The following STPG2 variants were observed in gnomAD, a reference collection of about 807,000 sequenced individuals.
STPG2 encodes the protein sperm tail PG-rich repeat containing 2.
Under a neutral mutation model 54.2 loss-of-function variants are expected in STPG2, and 56 were observed. The observed-to-expected ratio is 1.03, with a 90% CI of 0.83 to 1.29. STPG2 has a LOEUF of 1.29. Ranked by LOEUF, STPG2 falls within the 50% of genes most tolerant of loss-of-function variation. The probability of loss-of-function intolerance (pLI) is 0.00; values close to 1 mark genes in which losing one functional copy is unlikely to be tolerated. For synonymous variants in STPG2, 200 were observed against 181.8 expected (o/e 1.10, Z -0.81); for missense variants, 596 against 544.9 (o/e 1.09, Z -0.93).
intron 6 of STPG2, among the ~76,000 whole-genome samples, chr4:97,979,749 G>A (rs1219024539): frequency 1.3e-5 from 2 of 148,670 alleles, no homozygotes; most frequent in Non-Finnish European, 3.0e-5. Flanking sequence ...TTTTTGAGAC[G>A]GAGTCTTGCT....
chr4:97,558,626 G>T (rs146685845), downstream of STPG2, among the ~76,000 whole-genome samples: 1 of 152,162 alleles, frequency 6.6e-6, no homozygotes, highest in East Asian at 1.9e-4. Context: ...CTGACAGCCC[G>T]TGTGGAGGTG....
At chr4:97,737,214 T>A (rs908346675) in intron 9 of STPG2, among the ~76,000 whole-genome samples, 3 of 152,064 alleles carry the variant, frequency 2.0e-5, no homozygotes, top group Admixed American at 6.6e-5. Context: ...CATCTGTATG[T>A]CACCATCATC....
At chr4:97,745,244 T>TAA (rs747883049) in intron 9 of STPG2, among the ~76,000 whole-genome samples, 253 of 141,662 alleles carry the variant, frequency 1.8e-3, no homozygotes, top group Admixed American at 2.7e-3. Context: ...GGCATAAAAC[T>TAA]AAAAAAAAAA....
intron 8 of STPG2, among the ~76,000 whole-genome samples, chr4:97,902,144 G>C (rs1731200949): frequency 6.6e-6 from 1 of 151,896 alleles, no homozygotes; most frequent in South Asian, 2.1e-4. Context: ...CATATAAAAA[G>C]ATCAATTCAA....
chr4:98,061,304 C>A (rs1278001252), intron 5 of STPG2, among the ~76,000 whole-genome samples: 1 of 152,122 alleles, frequency 6.6e-6, no homozygotes, highest in African/African-American at 2.4e-5. Context: ...ACAGGCTGTA[C>A]AGGAAGCATA....
At chr4:97,456,910 A>AT (rs760723852) in intron 4 of STPG2, among the ~76,000 whole-genome samples, 4 of 126,738 alleles carry the variant, frequency 3.2e-5, no homozygotes, top group African/African-American at 1.8e-4. Context: ...AAAAAAGAAA[A>AT]TTAAAAAAAA....
chr4:98,059,641 CA>C (rs33990276), intron 5 of STPG2, among the ~76,000 whole-genome samples: 60,061 of 136,988 alleles, frequency 0.44, 12,722 homozygotes, highest in Middle Eastern at 0.5. Flanking sequence ...AATATCAATG[CA>C]AAAAAAAAAA....
At chr4:97,939,007 A>G (rs774118626) in intron 8 of STPG2, among the ~76,000 whole-genome samples, 21 of 152,090 alleles carry the variant, frequency 1.4e-4, no homozygotes, top group Non-Finnish European at 2.8e-4. Context: ...GGTATGTGTT[A>G]TCTTTGTTCT....
intron 10 of STPG2, among the ~76,000 whole-genome samples, chr4:97,568,454 G>A (rs1285734453): frequency 6.6e-6 from 1 of 152,096 alleles, no homozygotes; most frequent in Non-Finnish European, 1.5e-5. Context: ...GTGATCATGT[G>A]AATGGAGACA....
intron 10 of STPG2, among the ~76,000 whole-genome samples, chr4:97,580,539 T>C (rs985045879): frequency 6.6e-6 from 1 of 151,880 alleles, no homozygotes; most frequent in Non-Finnish European, 1.5e-5. Flanking sequence ...TCTCTGTCTC[T>C]GTCTCTCTGT....
intron 1 of STPG2, among the ~76,000 whole-genome samples, chr4:98,138,637 C>T (rs565658309): frequency 3.9e-5 from 6 of 152,142 alleles, no homozygotes; most frequent in African/African-American, 1.2e-4. Flanking sequence ...CAATCACATA[C>T]ATATTATTAT....
chr4:97,945,447 A>G (rs769218983), intron 7 of STPG2, among the ~76,000 whole-genome samples: 1 of 151,980 alleles, frequency 6.6e-6, no homozygotes, highest in Non-Finnish European at 1.5e-5. Context: ...CATTTTTTCT[A>G]TCCACTCATT....
At chr4:97,540,664 C>A (rs773569495) in intron 4 of STPG2, among the ~76,000 whole-genome samples, 9 of 151,950 alleles carry the variant, frequency 5.9e-5, no homozygotes, top group Non-Finnish European at 1.3e-4. Flanking sequence ...AGAGACACAA[C>A]AAAAACAGAG....
intron 9 of STPG2, among the ~76,000 whole-genome samples, chr4:97,827,635 C>T (rs1049220192): frequency 2.6e-5 from 4 of 152,062 alleles, no homozygotes; most frequent in Non-Finnish European, 2.9e-5. Flanking sequence ...GAAAACAAGC[C>T]GTGGGTATTC....
chr4:97,680,387 C>T (rs1309228237), intron 10 of STPG2, among the ~76,000 whole-genome samples: 1 of 151,948 alleles, frequency 6.6e-6, no homozygotes, highest in African/African-American at 2.4e-5. Context: ...CTCGTTGAAG[C>T]AATTGTGAAT....
intron 4 of STPG2, chr4:97,441,371 A>T (rs1252414346): frequency 6.6e-6 from 1 of 152,046 alleles, no homozygotes; most frequent in Non-Finnish European, 1.5e-5. Flanking sequence ...TTTTCTGAAA[A>T]AAACAAATAT....
intron 10 of STPG2, among the ~76,000 whole-genome samples, chr4:97,647,391 A>G (rs1176329945): frequency 3.3e-5 from 5 of 152,138 alleles, no homozygotes; most frequent in Admixed American, 2.6e-4. Context: ...AATAGAGATG[A>G]TATTTAACTG....
chr4:97,682,251 T>A lies in STPG2; in HGVS notation c.1320+30448A>T, dbSNP rs191829046. Among the ~76,000 whole-genome samples, 392 of 151,920 alleles carry A rather than the reference T, an allele frequency of 2.6e-3. 2 individuals carry two copies. Among genetic ancestry groups the A allele is most frequent in the African/African-American group, 8.6e-3 (358 of 41,552 alleles). On this transcript the variant is annotated intron_variant, in intron 10 of 10. Transcript: ENST00000295268. ...AGCCAAGAGAGTCAAGATAACATACTGTGATAGCTTAGAATATTCTATAAG... is the reference window on the plus strand; with the variant it reads ...AGCCAAGAGAGTCAAGATAACATACAGTGATAGCTTAGAATATTCTATAAG...
chr4:97,543,678 A>G (rs1413873271), intron 4 of STPG2, among the ~76,000 whole-genome samples: 1 of 152,148 alleles, frequency 6.6e-6, no homozygotes. Flanking sequence ...ATGATTTACT[A>G]AAACCATCAT....
Sources: gnomAD v4.1 joint callset for allele counts (sites outside exome capture counted in the v4.1 genomes callset) on GRCh38, gnomAD v4.1.1 for gene constraint, MANE v1.5 for transcripts, NCBI Gene and HGNC (gene_info 2026-07-23, HGNC 2026-07-21) for gene names.